PRKAR1B: variants seen among roughly 807,000 people sequenced by gnomAD.
PRKAR1B encodes the protein cAMP-dependent protein kinase type I-beta regulatory subunit.
Under a neutral mutation model 46.5 loss-of-function variants are expected in PRKAR1B, and 22 were observed. That is an observed-to-expected ratio of 0.47 (90% CI 0.34 to 0.68). PRKAR1B has a LOEUF of 0.68. PRKAR1B is among the 30% of genes least tolerant of loss of function. The pLI, the probability that PRKAR1B is intolerant of heterozygous loss-of-function variation, is 0.01. For missense variants in PRKAR1B, 445 were observed against 535.6 expected (o/e 0.83, Z 1.67); for synonymous variants, 259 against 217.7 (o/e 1.19, Z -1.67).
upstream of PRKAR1B, among the ~76,000 whole-genome samples, chr7:728,812 C>T (rs1781457414): frequency 2.0e-5 from 3 of 152,078 alleles, no homozygotes; most frequent in African/African-American, 7.2e-5. Context: ...TCTCCAGCAC[C>T]TCTGGCCTTC....
In PRKAR1B at chr7:585,232, G is replaced by A. The variant is rs2128447949; in HGVS notation, c.709-664C>T. Among the ~76,000 whole-genome samples, 3 of 152,228 alleles carry A rather than the reference G, an allele frequency of 2.0e-5. No homozygotes were observed. In the South Asian group the frequency reaches 6.2e-4, roughly 32 times the overall value. On this transcript the variant is annotated intron_variant, in intron 7 of 10. Coordinates refer to ENST00000537384, the MANE Select transcript of PRKAR1B (RefSeq NM_001164760.2). ...GCACACACATCCCATCAAGCTGATGGGCCCTGGTGCAAACAGGAACGAGGC... is the reference window on the plus strand; with the variant it reads ...GCACACACATCCCATCAAGCTGATGAGCCCTGGTGCAAACAGGAACGAGGC...
intron 2 of PRKAR1B, among the ~76,000 whole-genome samples, chr7:683,813 C>G (rs1009750867): frequency 6.6e-6 from 1 of 152,230 alleles, no homozygotes; most frequent in Non-Finnish European, 1.5e-5. Context: ...TTGTTGCTCC[C>G]TCAGAAACAA....
At chr7:727,917 T>G (rs190923136), upstream of PRKAR1B, among the ~76,000 whole-genome samples, 868 of 151,348 alleles carry the variant, frequency 5.7e-3, 11 homozygotes, top group African/African-American at 0.02. Flanking sequence ...GGGTGGGGTG[T>G]GCCCTGATAG....
At chr7:723,669 A>C (rs1781152412) in intron 1 of PRKAR1B, among the ~76,000 whole-genome samples, 1 of 152,228 alleles carries the variant, frequency 6.6e-6, no homozygotes, top group Non-Finnish European at 1.5e-5. Context: ...CGGAAGCCAA[A>C]GGGGTCCTTG....
At chr7:618,082 T>C (rs66741454) in intron 4 of PRKAR1B, among the ~76,000 whole-genome samples, 145,812 of 151,852 alleles carry the variant, frequency 0.96, 70,065 homozygotes, top group Middle Eastern at 1. Context: ...TCCCCACCAG[T>C]GGTAAGTGCC....
rs1044138617 is a variant in PRKAR1B, at chr7:593,901, C to G, written c.708+2245G>C. ...TGGGGTGCAGAATCTGATGAAACAG[C>G]CGCCCCAAAGACTGTGCGAACGCGC... On this transcript the variant is annotated intron_variant, in intron 7 of 10. Coordinates refer to ENST00000537384, the MANE Select transcript of PRKAR1B (RefSeq NM_001164760.2). The surrounding 1 kb of genome is among the most constrained non-coding windows in gnomAD (Gnocchi z 6.1). 3.3e-5 allele frequency among the ~76,000 whole-genome samples: 5 copies of G among 152,192 alleles called. No individual in the cohort carries two copies. Among genetic ancestry groups the G allele is most frequent in the African/African-American group, 9.6e-5 (4 of 41,472 alleles).
In PRKAR1B at chr7:714,476, C is replaced by A. The variant is rs547057629; in HGVS notation, c.-22-2949G>T. 7.2e-5 allele frequency among the ~76,000 whole-genome samples: 11 copies of A among 152,346 alleles called. No individual in the cohort carries two copies. In the South Asian group the frequency reaches 2.3e-3, roughly 32 times the overall value. ...GCCAGCCAGACATGCGGCCCCTGGC[C>A]CCACTGAGCTGTGACGTCTGCTGAG... On this transcript the variant is annotated intron_variant, in intron 1 of 10. Transcript: ENST00000537384. This position sits in a 1 kb window ranked among gnomAD's most constrained non-coding sequence, Gnocchi z 4.3.
chr7:655,758 G>A (rs1485327817), intron 4 of PRKAR1B, among the ~76,000 whole-genome samples: 1 of 152,154 alleles, frequency 6.6e-6, no homozygotes, highest in Non-Finnish European at 1.5e-5. Context: ...TTCCATCCTA[G>A]TGGAGCACCT....
intron 2 of PRKAR1B, among the ~76,000 whole-genome samples, chr7:681,389 G>T (rs1189811304): frequency 2.0e-5 from 3 of 150,954 alleles, no homozygotes; most frequent in Non-Finnish European, 4.4e-5. Context: ...CTAAGAACCT[G>T]TCAACATTTC....
intron 9 of PRKAR1B, 128 bp downstream of exon 9, chr7:579,128 C>A (rs1034155623): frequency 6.4e-7 from 1 of 1,564,038 alleles, no homozygotes. Flanking sequence ...AGGCCCCGGA[C>A]GGGCGTGCGG....
Position 596,310 on chromosome 7 carries a change from G to A in PRKAR1B, c.550-6C>T. 6.2e-7 allele frequency: 1 copy of A among 1,602,544 alleles called. No homozygotes were observed. Among genetic ancestry groups the A allele is most frequent in the South Asian group, 1.1e-5 (1 of 90,666 alleles). On this transcript the variant is annotated splice_region_variant and splice_polypyrimidine_tract_variant and intron_variant, in intron 6 of 10. Coordinates refer to ENST00000537384, the MANE Select transcript of PRKAR1B (RefSeq NM_001164760.2). Reference sequence around the variant, plus strand: ...CACTCTCCGTTCACGTACACCTTTGGGGAGCAAGAGAGAGAAGTGTCACGG... The same window carrying A: ...CACTCTCCGTTCACGTACACCTTTGAGGAGCAAGAGAGAGAAGTGTCACGG...
intron 7 of PRKAR1B, among the ~76,000 whole-genome samples, chr7:589,578 G>T (rs1039971018): frequency 1.3e-5 from 2 of 152,138 alleles, no homozygotes; most frequent in African/African-American, 4.8e-5. Flanking sequence ...AGAGGCTCAG[G>T]GTCGGTGTGG....
chr7:599,500 C>T (rs1781469320), intron 6 of PRKAR1B, among the ~76,000 whole-genome samples: 1 of 152,182 alleles, frequency 6.6e-6, no homozygotes, highest in Admixed American at 6.5e-5. Flanking sequence ...GTTGGTCAGG[C>T]TGGTCTCAAA....
chr7:601,333 A>G (rs367634048), intron 6 of PRKAR1B, among the ~76,000 whole-genome samples: 1 of 152,176 alleles, frequency 6.6e-6, no homozygotes, highest in Admixed American at 6.5e-5. Flanking sequence ...ACCAGCAAAC[A>G]ACATGCAGCA....
intron 2 of PRKAR1B, among the ~76,000 whole-genome samples, chr7:683,057 C>T (rs1191091937): frequency 1.3e-5 from 2 of 152,200 alleles, no homozygotes; most frequent in African/African-American, 4.8e-5. Flanking sequence ...CAGGGCCTTG[C>T]GTCATGGACC....
chr7:603,196 A>C (rs1379552893), intron 6 of PRKAR1B: 1 of 152,314 alleles, frequency 6.6e-6, no homozygotes, highest in African/African-American at 2.4e-5. Flanking sequence ...GGGCAGACAC[A>C]GAAGAGGGAG....
intron 4 of PRKAR1B, among the ~76,000 whole-genome samples, chr7:665,770 G>C (rs577499302): frequency 6.6e-6 from 1 of 152,218 alleles, no homozygotes; most frequent in South Asian, 2.1e-4. Context: ...GAAGCCAGGA[G>C]ACAGCTCCCT....
chr7:673,701 A>G (rs1416145668), intron 4 of PRKAR1B, among the ~76,000 whole-genome samples: 1 of 151,878 alleles, frequency 6.6e-6, no homozygotes, highest in African/African-American at 2.4e-5. Context: ...CCTCCTGGTG[A>G]CCAGGTTCAC....
chr7:677,279 C>G lies in PRKAR1B; in HGVS notation c.390G>C (p.Lys130Asn). ...KDYKTMTALAKAISKNVLFAH... is the reference protein window; with the variant it reads ...KDYKTMTALANAISKNVLFAH... ...CGAAGAGCACGTTCTTGGAGATGGCCTTGGCCAGCGCAGTCATGGTTTTGT... is the reference window on the plus strand; with the variant it reads ...CGAAGAGCACGTTCTTGGAGATGGCGTTGGCCAGCGCAGTCATGGTTTTGT... Residue 130 changes from lysine (K) to asparagine (N), a missense_variant, in exon 4 of 11, where the codon AAG becomes AAC. By Grantham distance (94) the Lys-to-Asn change is moderately conservative (BLOSUM62 0). This residue lies in a region of PRKAR1B where 94 missense variants were observed against 126.9 expected (regional missense o/e 0.74). Transcript: ENST00000537384. The G allele has an allele frequency of 6.2e-7, 1 of 1,614,268 alleles. No individual in the cohort carries two copies.
Sources: gnomAD v4.1 joint callset for allele counts (sites outside exome capture counted in the v4.1 genomes callset) on GRCh38, gnomAD v4.1.1 for gene constraint, gnomAD v4.1.1 regional missense constraint, Gnocchi (gnomAD v3.1) non-coding constraint, MANE v1.5 for transcripts, NCBI Gene and HGNC (gene_info 2026-07-23, HGNC 2026-07-21) for gene names.